KCNAB1: variants seen among roughly 807,000 people sequenced by gnomAD.
The protein encoded by KCNAB1 is potassium voltage-gated channel subfamily A regulatory beta subunit 1, also known as voltage-gated potassium channel subunit beta-1.
A neutral mutation model predicts 64.6 loss-of-function variants in KCNAB1; 35 were observed. The observed-to-expected ratio is 0.54, with a 90% CI of 0.41 to 0.72. The LOEUF is 0.72. KCNAB1 is among the 30% of genes least tolerant of loss of function. KCNAB1 has a pLI of 0.00. For synonymous variants in KCNAB1, 177 were observed against 183.8 expected (o/e 0.96, Z 0.30); for missense variants, 401 against 512.9 (o/e 0.78, Z 2.11).
chr3:156,302,597 A>G lies in KCNAB1; in HGVS notation c.276-119019A>G, dbSNP rs143437623. Among the ~76,000 whole-genome samples, 89 of 152,140 alleles carry G rather than the reference A, an allele frequency of 5.8e-4. 1 individual carries two copies. In the East Asian group the frequency reaches 0.016, roughly 27 times the overall value. ...GCTTGGGTTTTGAATCAGAAATAAAACTCTCATTTACATTGTGTGGCTACA... is the reference window on the plus strand; with the variant it reads ...GCTTGGGTTTTGAATCAGAAATAAAGCTCTCATTTACATTGTGTGGCTACA... On this transcript the variant is annotated intron_variant, in intron 1 of 13. Coordinates refer to ENST00000490337, the MANE Select transcript of KCNAB1 (RefSeq NM_172160.3).
intron 1 of KCNAB1, among the ~76,000 whole-genome samples, chr3:156,318,315 G>A (rs1360903496): frequency 6.6e-6 from 1 of 152,128 alleles, no homozygotes; most frequent in Admixed American, 6.5e-5. Flanking sequence ...AGAAATAAAG[G>A]TCTCTGAGGG....
chr3:156,361,284 G>T (rs1333152843), intron 1 of KCNAB1, among the ~76,000 whole-genome samples: 1 of 152,018 alleles, frequency 6.6e-6, no homozygotes, highest in East Asian at 1.9e-4. Flanking sequence ...CATCCACGTG[G>T]CTGTCTGTTC....
Position 156,138,031 on chromosome 3 carries a change from C to G in KCNAB1, c.275+17145C>G, listed in dbSNP as rs111236956. Among the ~76,000 whole-genome samples, 39 of 152,290 alleles carry G rather than the reference C, an allele frequency of 2.6e-4. 1 individual carries two copies. The highest frequency in any genetic ancestry group is 8.9e-4 in the African/African-American group (37 of 41,546). The stretch of plus-strand genomic sequence containing the variant: ...ATCACTTCGTAGTCTTTACTGGTTT[C>G]TCTCCTCTCCTCCACTGAGAGCTCC... On this transcript the variant is annotated intron_variant, in intron 1 of 13. Coordinates refer to ENST00000490337, the MANE Select transcript of KCNAB1 (RefSeq NM_172160.3).
intron 8 of KCNAB1, among the ~76,000 whole-genome samples, chr3:156,476,568 C>T (rs1423323853): frequency 7.3e-5 from 11 of 151,150 alleles, no homozygotes; most frequent in Non-Finnish European, 1.3e-4. Context: ...CACATATACA[C>T]ACACACACAC....
chr3:156,377,750 C>T (rs1360761792), intron 1 of KCNAB1, among the ~76,000 whole-genome samples: 1 of 151,986 alleles, frequency 6.6e-6, no homozygotes, highest in Non-Finnish European at 1.5e-5. Flanking sequence ...TTTATCCAAG[C>T]CCATCTGGGA....
intron 1 of KCNAB1, among the ~76,000 whole-genome samples, chr3:156,194,141 T>C (rs1164449560): frequency 6.6e-6 from 1 of 152,076 alleles, no homozygotes; most frequent in Non-Finnish European, 1.5e-5. Flanking sequence ...AAAAATTTAA[T>C]ATTTACCTAT....
intron 1 of KCNAB1, among the ~76,000 whole-genome samples, chr3:156,316,357 A>G (rs975068655): frequency 6.6e-6 from 1 of 152,222 alleles, no homozygotes; most frequent in African/African-American, 2.4e-5. Flanking sequence ...TCTGTTCTAG[A>G]AAGTATACCA....
At chr3:156,393,595 C>T (rs186203713) in intron 1 of KCNAB1, among the ~76,000 whole-genome samples, 2 of 152,134 alleles carry the variant, frequency 1.3e-5, no homozygotes, top group Admixed American at 1.3e-4. Flanking sequence ...GCTTTTTCAA[C>T]GTGAGAGTCC....
At chr3:156,458,775 C>T (rs1440137405) in intron 4 of KCNAB1, among the ~76,000 whole-genome samples, 1 of 152,166 alleles carries the variant, frequency 6.6e-6, no homozygotes, top group Admixed American at 6.5e-5. Flanking sequence ...AGTAGCAAGT[C>T]TGTTAGAGTC....
chr3:156,176,895 T>C, intron 1 of KCNAB1: 1 of 1,117,128 alleles, frequency 9.0e-7, no homozygotes, highest in Non-Finnish European at 1.3e-6. Flanking sequence ...GCCTGTACGC[T>C]TCTGCTGTTC....
chr3:156,156,441 A>G (rs2108301812), intron 1 of KCNAB1, among the ~76,000 whole-genome samples: 2 of 152,342 alleles, frequency 1.3e-5, no homozygotes, highest in East Asian at 1.9e-4. Context: ...AAGTAGAAGT[A>G]GGGTTACTGG....
intron 1 of KCNAB1, among the ~76,000 whole-genome samples, chr3:156,226,105 C>G (rs963005857): frequency 1.3e-5 from 2 of 152,010 alleles, no homozygotes; most frequent in Non-Finnish European, 2.9e-5. Flanking sequence ...GCCCACAGAG[C>G]CAAAGCAAGA....
intron 8 of KCNAB1, among the ~76,000 whole-genome samples, chr3:156,486,756 C>A (rs1374061742): frequency 6.6e-6 from 1 of 152,112 alleles, no homozygotes; most frequent in African/African-American, 2.4e-5. Flanking sequence ...ACAGAGAAAC[C>A]AAACATACCT....
intron 1 of KCNAB1, among the ~76,000 whole-genome samples, chr3:156,256,468 G>C (rs182245167): frequency 3.9e-5 from 6 of 152,332 alleles, no homozygotes; most frequent in African/African-American, 1.4e-4. Flanking sequence ...TCACTGTGCA[G>C]TGCTTTTAAT....
At chr3:156,390,812 C>T (rs952058639) in intron 1 of KCNAB1, among the ~76,000 whole-genome samples, 4 of 152,098 alleles carry the variant, frequency 2.6e-5, no homozygotes, top group Admixed American at 2.6e-4. Flanking sequence ...GTCTCGATCT[C>T]CTGACCTCAT....
chr3:156,501,643 G>T (rs1716416941), intron 8 of KCNAB1, among the ~76,000 whole-genome samples: 1 of 151,938 alleles, frequency 6.6e-6, no homozygotes, highest in Non-Finnish European at 1.5e-5. Context: ...TGTTGCCCAG[G>T]CTGGTCTTGA....
chr3:156,503,768 AT>A (rs1171090512), intron 8 of KCNAB1, among the ~76,000 whole-genome samples: 1 of 152,188 alleles, frequency 6.6e-6, no homozygotes, highest in Non-Finnish European at 1.5e-5. Context: ...TCTTATTATT[AT>A]TTTTAGTTGA....
At chr3:156,413,895 A>C (rs1312394939) in intron 1 of KCNAB1, among the ~76,000 whole-genome samples, 1 of 152,220 alleles carries the variant, frequency 6.6e-6, no homozygotes, top group African/African-American at 2.4e-5. Context: ...CATAAGATGC[A>C]CTGTGATATA....
At chr3:156,259,346 G>A (rs552235331) in intron 1 of KCNAB1, among the ~76,000 whole-genome samples, 14 of 152,292 alleles carry the variant, frequency 9.2e-5, no homozygotes, top group African/African-American at 3.4e-4. Flanking sequence ...GATATAAAAT[G>A]TTCTTTCTAT....
Sources: allele counts gnomAD v4.1 joint callset (sites outside exome capture counted in the v4.1 genomes callset), GRCh38; gene constraint gnomAD v4.1.1; transcripts MANE v1.5; gene names NCBI Gene and HGNC (gene_info 2026-07-23, HGNC 2026-07-21).